The following AK5 variants were observed in gnomAD, a reference collection of about 807,000 sequenced individuals.
AK5 encodes adenylate kinase isoenzyme 5.
A neutral mutation model predicts 69.5 loss-of-function variants in AK5; 27 were observed. That is an observed-to-expected ratio of 0.39 (90% CI 0.29 to 0.54). The LOEUF (loss-of-function observed/expected upper bound fraction) is 0.54. AK5 is among the 20% of genes least tolerant of loss of function. The probability of loss-of-function intolerance (pLI) is 0.71; values close to 1 mark genes in which losing one functional copy is unlikely to be tolerated. For missense variants in AK5, 531 were observed against 700.4 expected (o/e 0.76, Z 2.73); for synonymous variants, 260 against 244.4 (o/e 1.06, Z -0.60).
At chr1:77,339,511 T>C (rs945014032) in intron 5 of AK5, among the ~76,000 whole-genome samples, 2 of 152,198 alleles carry the variant, frequency 1.3e-5, no homozygotes, top group Admixed American at 6.5e-5. Context: ...CCAGACAGAC[T>C]TGAGTTCAAA....
At chr1:77,482,636 G>A (rs1165470222) in intron 8 of AK5, among the ~76,000 whole-genome samples, 1 of 151,982 alleles carries the variant, frequency 6.6e-6, no homozygotes, top group Non-Finnish European at 1.5e-5. Context: ...AGCGCAGCAC[G>A]GTGGTACATG....
Position 77,340,333 on chromosome 1 carries a change from G to C in AK5, c.700-44G>C, listed in dbSNP as rs750973081. Reference sequence around the variant, plus strand: ...AATGCAGCTGCCCACACATGCATTAGTTGGTATGTTGAATGCCTCTCTATT... The same window carrying C: ...AATGCAGCTGCCCACACATGCATTACTTGGTATGTTGAATGCCTCTCTATT... On this transcript the variant is annotated intron_variant, in intron 5 of 13. Transcript: ENST00000354567. 2.4e-5 allele frequency: 37 copies of C among 1,554,544 alleles called. 1 individual carries two copies. In the South Asian group the frequency reaches 4.3e-4, roughly 18 times the overall value.
rs546138756 is a variant in AK5 at position 77,432,811 on chromosome 1, C to G, written c.1059+15096C>G. Among the ~76,000 whole-genome samples the G allele has an allele frequency of 7.9e-5, 12 of 152,286 alleles. No homozygotes were observed. The South Asian group carries it at 2.3e-3, about 29-fold the overall frequency. The stretch of plus-strand genomic sequence containing the variant: ...TGTTCTTTTAAGTTATGAGCAGAAG[C>G]TGCTGATTGTGAAATCTGAATTACA... On this transcript the variant is annotated intron_variant, in intron 8 of 13. Transcript: ENST00000354567.
intron 12 of AK5, among the ~76,000 whole-genome samples, chr1:77,524,183 A>G (rs934414843): frequency 3.3e-5 from 5 of 152,154 alleles, no homozygotes; most frequent in African/African-American, 4.8e-5. Context: ...TCATTCACCT[A>G]TCGATAGAGA....
intron 12 of AK5, among the ~76,000 whole-genome samples, chr1:77,526,449 C>T (rs1173936879): frequency 7.0e-6 from 1 of 141,900 alleles, no homozygotes; most frequent in African/African-American, 2.6e-5. Flanking sequence ...TGTTTGGAAG[C>T]GATGGGAATA....
chr1:77,297,885 G>A lies in AK5; in HGVS notation c.637G>A (p.Glu213Lys), dbSNP rs1385304393. ...KQKLMQIPDE[E>K]GIVIDGFPRD... Reference sequence around the variant, plus strand: ...AAAATTGATGCAAATACCTGATGAAGAGGGCATTGTTATTGATGGATTTCC... The same window carrying A: ...AAAATTGATGCAAATACCTGATGAAAAGGGCATTGTTATTGATGGATTTCC... Residue 213 changes from glutamate to lysine, a missense_variant, in exon 5 of 14, where the codon GAG becomes AAG. Glu to Lys is a moderately conservative substitution (Grantham distance 56). Coordinates refer to ENST00000354567, the MANE Select transcript of AK5 (RefSeq NM_174858.3). 1.9e-6 allele frequency: 3 copies of A among 1,613,478 alleles called. No homozygotes were observed. Among genetic ancestry groups the A allele is most frequent in the Non-Finnish European group, 2.5e-6 (3 of 1,179,836 alleles).
chr1:77,288,645 G>A (rs548193820), intron 2 of AK5, among the ~76,000 whole-genome samples: 1 of 152,236 alleles, frequency 6.6e-6, no homozygotes, highest in East Asian at 1.9e-4. Flanking sequence ...CACCATTCAT[G>A]CAGAAGTCAA....
Position 77,367,788 on chromosome 1 carries a change from T to TATATATTATATATA in AK5, c.891+27226_891+27227insTATATATAATATAT, listed in dbSNP as rs1491156565. On this transcript the variant is annotated intron_variant, in intron 6 of 13. Transcript: ENST00000354567. ...AATATATGTTATATATAATATATGTTATATATGTTATATATAATATATGTT... is the reference window on the plus strand; with the variant it reads ...AATATATGTTATATATAATATATGTTATATATTATATATAATATATGTTATATATAATATATGTT... Among the ~76,000 whole-genome samples, 27 of 8,388 alleles carry TATATATTATATATA rather than the reference T, an allele frequency of 3.2e-3. 7 individuals carry two copies. In the South Asian group the frequency reaches 0.036, roughly 11 times the overall value. 5.5% of individuals were successfully genotyped at this position (8,388 alleles called of 152,430 possible).
At chr1:77,418,221 G>A (rs536261681) in intron 8 of AK5, among the ~76,000 whole-genome samples, 1 of 152,310 alleles carries the variant, frequency 6.6e-6, no homozygotes, top group Admixed American at 6.5e-5. Context: ...AAGACAAGGA[G>A]GAGCAAGTCA....
intron 6 of AK5, among the ~76,000 whole-genome samples, chr1:77,407,724 T>A (rs563375656): frequency 6.6e-6 from 1 of 152,276 alleles, no homozygotes; most frequent in African/African-American, 2.4e-5. Context: ...ATTGACGCCA[T>A]CACCCGGGTA....
chr1:77,478,124 A>C (rs990482063), intron 8 of AK5, among the ~76,000 whole-genome samples: 14 of 152,130 alleles, frequency 9.2e-5, no homozygotes, highest in African/African-American at 3.4e-4. Context: ...GCACATCCCC[A>C]TCCTGTGCTC....
At chr1:77,433,133 G>A (rs532790196) in intron 8 of AK5, among the ~76,000 whole-genome samples, 2 of 152,312 alleles carry the variant, frequency 1.3e-5, no homozygotes, top group South Asian at 4.1e-4. Context: ...CTCTTAGTTG[G>A]AGAGTTGCAG....
intron 6 of AK5, among the ~76,000 whole-genome samples, chr1:77,374,821 GA>G (rs536579604): frequency 0.012 from 1,562 of 131,088 alleles, 10 homozygotes; most frequent in Admixed American, 0.016. Context: ...CCCTGTCTCA[GA>G]AAAAAAAAAA....
chr1:77,505,572 C>T (rs1308982319), intron 10 of AK5, among the ~76,000 whole-genome samples: 5 of 152,000 alleles, frequency 3.3e-5, no homozygotes, highest in African/African-American at 1.2e-4. Context: ...AAAAGTATTT[C>T]TTTAAAACAA....
intron 6 of AK5, among the ~76,000 whole-genome samples, chr1:77,345,773 A>G (rs2100396908): frequency 1.3e-5 from 2 of 152,270 alleles, no homozygotes. Flanking sequence ...AAATTTGAGA[A>G]TCCCCGCATT....
At chr1:77,340,228 A>T in intron 5 of AK5, 149 bp from the exon 6 acceptor site, 2 of 684,400 alleles carry the variant, frequency 2.9e-6, no homozygotes, top group Non-Finnish European at 4.8e-6. Context: ...GGCCTTGGGT[A>T]GAGCAGCAGC....
intron 6 of AK5, among the ~76,000 whole-genome samples, chr1:77,370,869 G>GA (rs1275741994): frequency 6.6e-6 from 1 of 152,180 alleles, no homozygotes; most frequent in East Asian, 1.9e-4. Context: ...AGGGCCTCCT[G>GA]AATCATTCAA....
chr1:77,482,636 G>T (rs1165470222), intron 8 of AK5, among the ~76,000 whole-genome samples: 1 of 151,982 alleles, frequency 6.6e-6, no homozygotes, highest in Non-Finnish European at 1.5e-5. Flanking sequence ...AGCGCAGCAC[G>T]GTGGTACATG....
At chr1:77,410,882 A>G in intron 6 of AK5, 99 bp from the exon 7 acceptor site, 1 of 883,366 alleles carries the variant, frequency 1.1e-6, no homozygotes, top group South Asian at 1.6e-5. Context: ...GTTCTGCTTC[A>G]TTAGAGATAC....
Sources: gnomAD v4.1 joint callset for allele counts (sites outside exome capture counted in the v4.1 genomes callset) on GRCh38, gnomAD v4.1.1 for gene constraint, MANE v1.5 for transcripts, NCBI Gene and HGNC (gene_info 2026-07-23, HGNC 2026-07-21) for gene names.